CDH4: variants seen among roughly 807,000 people sequenced by gnomAD.
The protein encoded by CDH4 is cadherin 4.
CDH4 carries 33 observed loss-of-function variants against 86.0 expected under a neutral mutation model. That is an observed-to-expected ratio of 0.38 (90% CI 0.29 to 0.51). The LOEUF is 0.51. CDH4 is among the 20% of genes least tolerant of loss of function. The pLI is 0.86. For missense variants in CDH4, 1,114 were observed against 1,307.4 expected, an observed-to-expected ratio of 0.85 and a Z score of 2.28; for synonymous variants, 555 against 549.4, an observed-to-expected ratio of 1.01 and a Z score of -0.14.
intron 2 of CDH4, among the ~76,000 whole-genome samples, chr20:61,679,835 G>A (rs772267713): frequency 5.8e-4 from 88 of 152,182 alleles, no homozygotes; most frequent in Admixed American, 2.3e-3. Context: ...AGCAGACCCC[G>A]GAGCTTTGCT....
At chr20:61,507,319 G>A (rs2085748183) in intron 2 of CDH4, among the ~76,000 whole-genome samples, 1 of 152,210 alleles carries the variant, frequency 6.6e-6, no homozygotes, top group Admixed American at 6.5e-5. Context: ...ATAACGTGGT[G>A]TTAAATTAGC....
intron 2 of CDH4, among the ~76,000 whole-genome samples, chr20:61,311,353 G>A (rs1432585774): frequency 2.0e-5 from 3 of 152,086 alleles, no homozygotes; most frequent in East Asian, 1.9e-4. Flanking sequence ...TTATTAAAAA[G>A]GTTTCACATT....
intron 5 of CDH4, among the ~76,000 whole-genome samples, chr20:61,851,517 T>C (rs1356600501): frequency 6.6e-6 from 1 of 152,220 alleles, no homozygotes; most frequent in Non-Finnish European, 1.5e-5. Flanking sequence ...ATGGGGCTTC[T>C]CTCACGGCCA....
At chr20:61,747,382 A>C (rs2088427701) in intron 3 of CDH4, among the ~76,000 whole-genome samples, 1 of 148,088 alleles carries the variant, frequency 6.8e-6, no homozygotes, top group Non-Finnish European at 1.5e-5. Flanking sequence ...TGGGAGGCGG[A>C]GCTCGCAGTG....
intron 4 of CDH4, among the ~76,000 whole-genome samples, chr20:61,776,910 A>T (rs4925284): frequency 6.6e-6 from 1 of 152,008 alleles, no homozygotes; most frequent in African/African-American, 2.4e-5. Flanking sequence ...AGGAGGGGGA[A>T]ATATGGTTGG....
intron 2 of CDH4, among the ~76,000 whole-genome samples, chr20:61,595,314 C>T (rs557762940): frequency 3.3e-5 from 5 of 152,382 alleles, no homozygotes; most frequent in African/African-American, 1.2e-4. Context: ...CCTGCCCTAC[C>T]TGAGTGTCAG....
intron 2 of CDH4, among the ~76,000 whole-genome samples, chr20:61,298,921 A>G (rs1170878910): frequency 6.6e-6 from 1 of 152,152 alleles, no homozygotes; most frequent in East Asian, 1.9e-4. Flanking sequence ...CTAAAAGAAC[A>G]GAGTTCATTT....
intron 2 of CDH4, among the ~76,000 whole-genome samples, chr20:61,499,903 T>G (rs2085688286): frequency 6.6e-6 from 1 of 152,200 alleles, no homozygotes; most frequent in Non-Finnish European, 1.5e-5. Context: ...CGATTCTGTC[T>G]GTGGCAGGGG....
intron 2 of CDH4, among the ~76,000 whole-genome samples, chr20:61,505,169 A>G (rs1490474947): frequency 6.6e-6 from 1 of 152,142 alleles, no homozygotes; most frequent in Non-Finnish European, 1.5e-5. Flanking sequence ...GATTTGGTTC[A>G]TTGTGGGGTG....
intron 4 of CDH4, among the ~76,000 whole-genome samples, chr20:61,797,796 CA>C (rs1454941944): frequency 6.6e-6 from 1 of 152,122 alleles, no homozygotes; most frequent in Non-Finnish European, 1.5e-5. Context: ...CTACAAAAAA[CA>C]AAAAAGACAA....
chr20:61,614,286 G>C (rs2086708490), intron 2 of CDH4, among the ~76,000 whole-genome samples: 1 of 152,146 alleles, frequency 6.6e-6, no homozygotes, highest in Non-Finnish European at 1.5e-5. Context: ...GGCTGGGGCT[G>C]GAAGCTGAAC....
At chr20:61,563,652 C>T (rs1256868409) in intron 2 of CDH4, among the ~76,000 whole-genome samples, 2 of 152,226 alleles carry the variant, frequency 1.3e-5, no homozygotes, top group Non-Finnish European at 2.9e-5. Context: ...CATGGGTCCT[C>T]GCTAGGCCAC....
At chr20:61,714,021 T>A (rs8118450) in intron 2 of CDH4, among the ~76,000 whole-genome samples, 1,670 of 135,464 alleles carry the variant, frequency 0.012, 64 homozygotes, top group African/African-American at 0.046. Context: ...GTCTATTCTT[T>A]TTTTATTTTA....
At chr20:61,756,203 T>C (rs2088562926) in intron 3 of CDH4, among the ~76,000 whole-genome samples, 2 of 152,138 alleles carry the variant, frequency 1.3e-5, no homozygotes, top group Non-Finnish European at 2.9e-5. Context: ...GAGCAGGATG[T>C]CTGGAGTCTG....
At chr20:61,887,868 A>G (rs545661178) in intron 7 of CDH4, among the ~76,000 whole-genome samples, 2 of 152,232 alleles carry the variant, frequency 1.3e-5, no homozygotes, top group South Asian at 2.1e-4. Flanking sequence ...TGTAGCTGAG[A>G]GCAGCCTGGG....
intron 2 of CDH4, among the ~76,000 whole-genome samples, chr20:61,528,305 AGGC>A (rs1163817226): frequency 6.7e-6 from 1 of 148,882 alleles, no homozygotes. Context: ...TGAACCCAGG[AGGC>A]GGAGATTGCA....
At chr20:61,797,222 A>G (rs910641335) in intron 4 of CDH4, among the ~76,000 whole-genome samples, 1 of 152,152 alleles carries the variant, frequency 6.6e-6, no homozygotes, top group Non-Finnish European at 1.5e-5. Flanking sequence ...GGTTCACACC[A>G]TCCATTCCGC....
intron 6 of CDH4, among the ~76,000 whole-genome samples, chr20:61,856,935 C>T (rs1304001494): frequency 6.6e-6 from 1 of 152,236 alleles, no homozygotes; most frequent in East Asian, 1.9e-4. Flanking sequence ...CAGAGTCTCC[C>T]CGGCCGGTTT....
At chr20:61,340,412 G>A (rs936475453) in intron 2 of CDH4, among the ~76,000 whole-genome samples, 7 of 152,210 alleles carry the variant, frequency 4.6e-5, no homozygotes, top group Admixed American at 3.9e-4. Context: ...ACCAAGTCCG[G>A]TGTCCATCTG....
Sources: gnomAD v4.1 joint callset for allele counts (sites outside exome capture counted in the v4.1 genomes callset) on GRCh38, gnomAD v4.1.1 for gene constraint, MANE v1.5 for transcripts, NCBI Gene and HGNC (gene_info 2026-07-23, HGNC 2026-07-21) for gene names.